EPN1: variants seen among roughly 807,000 people sequenced by gnomAD.
The protein encoded by EPN1 is epsin-1.
A neutral mutation model predicts 56.9 loss-of-function variants in EPN1; 25 were observed. The observed-to-expected ratio is 0.44, with a 90% CI of 0.32 to 0.61. The LOEUF (loss-of-function observed/expected upper bound fraction) is 0.61, where lower values mean the gene tolerates loss of function less well. Among genes scored for constraint, EPN1 ranks in the 20% least tolerant of loss-of-function variants. The probability of loss-of-function intolerance (pLI) is 0.05; values close to 1 mark genes in which losing one functional copy is unlikely to be tolerated. For missense variants in EPN1, 785 were observed against 823.7 expected (o/e 0.95, Z 0.58); for synonymous variants, 411 against 361.8 (o/e 1.14, Z -1.54).
intron 2 of EPN1, among the ~76,000 whole-genome samples, chr19:55,683,860 G>A (rs1029630348): frequency 2.0e-5 from 3 of 152,356 alleles, no homozygotes; most frequent in Non-Finnish European, 4.4e-5. Context: ...AAGTGAGGTC[G>A]TTCACATGGT....
At chr19:55,693,752 A>AGGCT (rs1372551800) in intron 9 of EPN1, among the ~76,000 whole-genome samples, 1 of 152,136 alleles carries the variant, frequency 6.6e-6, no homozygotes, top group African/African-American at 2.4e-5. Context: ...CACTGATGAA[A>AGGCT]GGCTGGCAGC....
At chr19:55,687,777 G>A (rs529621080) in intron 3 of EPN1, among the ~76,000 whole-genome samples, 3 of 152,264 alleles carry the variant, frequency 2.0e-5, no homozygotes, top group Non-Finnish European at 4.4e-5. Context: ...GTCACCCTTC[G>A]GCCCCGCTCT....
At position 55,687,444 on chromosome 19, in the gene EPN1, G is replaced by C. The variant is rs1449603803; in HGVS notation, c.479-1426G>C. On this transcript the variant is annotated intron_variant, in intron 3 of 10. Coordinates refer to ENST00000270460, the MANE Select transcript of EPN1 (RefSeq NM_001130072.2). ...GGTGCCAGTATTACCTGTGATGTGGGAGGTGGGGCCCTCAGGGCTGCTGGG... is the reference window on the plus strand; with the variant it reads ...GGTGCCAGTATTACCTGTGATGTGGCAGGTGGGGCCCTCAGGGCTGCTGGG... Among the ~76,000 whole-genome samples the C allele has an allele frequency of 5.3e-5, 8 of 152,194 alleles. No individual in the cohort carries two copies. In the East Asian group the frequency reaches 1.5e-3, roughly 29 times the overall value.
intron 3 of EPN1, among the ~76,000 whole-genome samples, chr19:55,686,693 G>A (rs76080867): frequency 0.094 from 14,321 of 152,072 alleles, 894 homozygotes; most frequent in East Asian, 0.29. Context: ...GGGCGTGAAC[G>A]CAGAGAGAGA....
In EPN1 at chr19:55,703,952, C is replaced by G. The variant is rs573348310; in HGVS notation, c.*8596C>G. On this transcript the variant is annotated 3_prime_UTR_variant, in exon 11 of 11. Transcript: ENST00000270460. ...CGGGGTTGTGGGAAGACGCTGGGAT[C>G]CCGTGCGCGCTTGTGCTCCTTCCTT... is the stretch of plus-strand genomic sequence containing the variant. 6.6e-6 allele frequency: 1 copy of G among 152,260 alleles called. No individual in the cohort carries two copies. The highest frequency in any genetic ancestry group is 1.9e-4 in the East Asian group (1 of 5,182). 9.4% of individuals were successfully genotyped at this position (152,260 alleles called of 1,614,324 possible).
In EPN1 at chr19:55,706,682, AG is replaced by A. The variant is rs1702838577; in HGVS notation, c.*11327del. The A allele has an allele frequency of 3.3e-5, 5 of 150,600 alleles. No homozygotes were observed. The highest frequency in any genetic ancestry group is 2.1e-4 in the South Asian group (1 of 4,772). The allele number at this position is 150,600 out of a possible 1,614,324, so 9.3% of individuals were successfully genotyped here. On this transcript the variant is annotated 3_prime_UTR_variant, in exon 11 of 11. Transcript: ENST00000270460. ...GAAAGAAAAGAGGGGAAGGGAAGGG[AG>A]AGATTTAAAAAACAATAGTAAAGAG...
chr19:55,692,900 GC>G (rs1986663400), intron 8 of EPN1, 50 bp from the exon 9 acceptor site: 1 of 1,602,912 alleles, frequency 6.2e-7, no homozygotes, highest in Admixed American at 1.7e-5. Context: ...GGAGGTGGGG[GC>G]TGAGGCGGGG....
chr19:55,680,266 C>T (rs1985722155), intron 2 of EPN1, among the ~76,000 whole-genome samples: 1 of 152,210 alleles, frequency 6.6e-6, no homozygotes, highest in Admixed American at 6.5e-5. Context: ...TAACTGTCAT[C>T]ACAGTCAAGG....
intron 2 of EPN1, among the ~76,000 whole-genome samples, chr19:55,683,401 G>T (rs1985957366): frequency 6.6e-6 from 1 of 152,028 alleles, no homozygotes; most frequent in Non-Finnish European, 1.5e-5. Context: ...TCCCAGGCTG[G>T]AGTACAGTGG....
At position 55,699,918 on chromosome 19, in the gene EPN1, A is replaced by G. The variant is rs1987062013; in HGVS notation, c.*4562A>G. 6.6e-6 allele frequency: 1 copy of G among 152,076 alleles called. No homozygotes were observed. The highest frequency in any genetic ancestry group is 6.6e-5 in the Admixed American group (1 of 15,250). The allele number at this position is 152,076 out of a possible 1,614,324, so 9.4% of individuals were successfully genotyped here. The stretch of plus-strand genomic sequence containing the variant: ...TTAGTATGGATATTTATAATTTCCT[A>G]AAGCACTATTTTTTTTTTTTGAGAC... On this transcript the variant is annotated 3_prime_UTR_variant, in exon 11 of 11. Coordinates refer to ENST00000270460, the MANE Select transcript of EPN1 (RefSeq NM_001130072.2).
chr19:55,678,398 A>G (rs1985579152), intron 1 of EPN1, 129 bp from the exon 2 acceptor site: 4 of 962,114 alleles, frequency 4.2e-6, no homozygotes, highest in African/African-American at 1.7e-5. Context: ...GGATGGGGTT[A>G]CTTTGAGACC....
At position 55,702,490 on chromosome 19, in the gene EPN1, T is replaced by G. The variant is rs1168566954; in HGVS notation, c.*7134T>G. 6.6e-6 allele frequency: 1 copy of G among 152,202 alleles called. No individual in the cohort carries two copies. Among genetic ancestry groups the G allele is most frequent in the African/African-American group, 2.4e-5 (1 of 41,440 alleles). 9.4% of individuals were successfully genotyped at this position (152,202 alleles called of 1,614,324 possible). A position where few individuals can be genotyped will look rare whatever the true frequency, so the allele number is the denominator to read the frequency against. ...GTTTTCACTGGGGCCCATCTATGTA[T>G]GTGGCTTGGTGATTACCCAGGAACC... On this transcript the variant is annotated 3_prime_UTR_variant, in exon 11 of 11. Coordinates refer to ENST00000270460, the MANE Select transcript of EPN1 (RefSeq NM_001130072.2).
At position 55,695,200 on chromosome 19, in the gene EPN1, C is replaced by T. The variant is rs760291683; in HGVS notation, c.1575C>T (p.Pro525=). The change falls in exon 11 of 11, where the codon CCC becomes CCT. Residue 525 remains proline (P), a synonymous_variant. Coordinates refer to ENST00000270460, the MANE Select transcript of EPN1 (RefSeq NM_001130072.2). This position sits in a 1 kb window ranked among gnomAD's most constrained non-coding sequence, Gnocchi z 4.4. The part of the protein sequence containing the change: ...SVTNPFQPAP[P]ATLTLNQLRL... ...CCAACCCCTTCCAGCCCGCGCCTCC[C>T]GCGACGCTCACCCTGAACCAGCTCC... 26 of 1,613,528 alleles carry T rather than the reference C, an allele frequency of 1.6e-5. No homozygotes were observed. Among genetic ancestry groups the T allele is most frequent in the African/African-American group, 1.1e-4 (8 of 74,934 alleles).
chr19:55,681,037 G>T (rs916148548), intron 2 of EPN1, among the ~76,000 whole-genome samples: 3 of 152,226 alleles, frequency 2.0e-5, no homozygotes, highest in South Asian at 2.1e-4. Flanking sequence ...CGAGGCTCGT[G>T]GGGGAGCTGG....
At position 55,698,092 on chromosome 19, in the gene EPN1, T is replaced by G. The variant is rs1408683369; in HGVS notation, c.*2736T>G. On this transcript the variant is annotated 3_prime_UTR_variant, in exon 11 of 11. Transcript: ENST00000270460. ...AGGGTGATCAGAGGTCACCTGGGGATGGTGGAGGCTGAAGAAGCCTATCAG... is the reference window on the plus strand; with the variant it reads ...AGGGTGATCAGAGGTCACCTGGGGAGGGTGGAGGCTGAAGAAGCCTATCAG... 14 of 106,130 alleles carry G rather than the reference T, an allele frequency of 1.3e-4. No homozygotes were observed. In the Admixed American group the frequency reaches 1.9e-3, roughly 14 times the overall value. The allele number at this position is 106,130 out of a possible 1,614,324, so 6.6% of individuals were successfully genotyped here. A position where few individuals can be genotyped will look rare whatever the true frequency, so the allele number is the denominator to read the frequency against.
intron 7 of EPN1, 113 bp from the exon 8 acceptor site, chr19:55,692,573 G>A: frequency 1.5e-6 from 1 of 663,756 alleles, no homozygotes; most frequent in Non-Finnish European, 2.5e-6. Flanking sequence ...GTGGGTTTCT[G>A]GGGGGCAGGG....
intron 2 of EPN1, among the ~76,000 whole-genome samples, chr19:55,684,696 C>T (rs1986046408): frequency 6.6e-6 from 1 of 152,136 alleles, no homozygotes; most frequent in African/African-American, 2.4e-5. Context: ...CTGTTAGTAC[C>T]AGCGTGAGGT....
Position 55,675,294 on chromosome 19 carries a change from G to A in EPN1, c.-243G>A, listed in dbSNP as rs1435922797. 6.6e-6 allele frequency: 1 copy of A among 152,002 alleles called. No homozygotes were observed. Among genetic ancestry groups the A allele is most frequent in the Non-Finnish European group, 1.5e-5 (1 of 67,974 alleles). The allele number at this position is 152,002 out of a possible 1,614,324, so 9.4% of individuals were successfully genotyped here. The stretch of plus-strand genomic sequence containing the variant: ...CTCTCCGCGCCCCTTCTGGGCGGCG[G>A]GGCGGCGGAGCCGTCGGCGTGCGGC... On this transcript the variant is annotated 5_prime_UTR_variant, in exon 1 of 11. Transcript: ENST00000270460.
rs1354734943 is a variant in EPN1 at position 55,689,261 on chromosome 19, C to T, written c.604-36C>T. 6.9e-6 allele frequency: 10 copies of T among 1,456,436 alleles called. No individual in the cohort carries two copies. The East Asian group carries it at 2.2e-4, about 32-fold the overall frequency. 90.2% of individuals were successfully genotyped at this position (1,456,436 alleles called of 1,614,324 possible). On this transcript the variant is annotated intron_variant, in intron 4 of 10. Coordinates refer to ENST00000270460, the MANE Select transcript of EPN1 (RefSeq NM_001130072.2). The surrounding 1 kb of genome is among the most constrained non-coding windows in gnomAD (Gnocchi z 5.7). ...TCTGCCTCTGACTCTGCCTCTGGCCCCTCCCGTCATGCCCCTCACACTCTC... is the reference window on the plus strand; with the variant it reads ...TCTGCCTCTGACTCTGCCTCTGGCCTCTCCCGTCATGCCCCTCACACTCTC...
Sources: allele counts gnomAD v4.1 joint callset (sites outside exome capture counted in the v4.1 genomes callset), GRCh38; gene constraint gnomAD v4.1.1; non-coding constraint Gnocchi (gnomAD v3.1); transcripts MANE v1.5; gene names NCBI Gene and HGNC (gene_info 2026-07-23, HGNC 2026-07-21).